PTGR2: variants seen among roughly 807,000 people sequenced by gnomAD.
PTGR2 encodes the protein prostaglandin reductase 2, also known as 15-oxoprostaglandin 13-reductase.
A neutral mutation model predicts 43.4 loss-of-function variants in PTGR2; 32 were observed. The ratio of observed to expected loss-of-function variants is 0.74; its 90% CI spans 0.56 to 0.99. PTGR2 has a LOEUF of 0.99. Ranked by LOEUF, PTGR2 falls within the 50% of genes least tolerant of loss-of-function variation. The pLI is 0.00. For synonymous variants in PTGR2, 106 were observed against 139.2 expected (o/e 0.76, Z 1.68); for missense variants, 373 against 420.0 (o/e 0.89, Z 0.98).
rs189895945 is a variant in PTGR2, at chr14:73,855,516, G to A, written c.-47-3300G>A. On this transcript the variant is annotated intron_variant, in intron 1 of 9. Coordinates refer to ENST00000555661, the MANE Select transcript of PTGR2 (RefSeq NM_001146154.2). ...GACTGGAGTACAGTGGCGTGATCTCGGCTCACCGCAACCTCCACCTCTTGA... is the reference window on the plus strand; with the variant it reads ...GACTGGAGTACAGTGGCGTGATCTCAGCTCACCGCAACCTCCACCTCTTGA... Among the ~76,000 whole-genome samples the A allele has an allele frequency of 1.4e-3, 210 of 151,874 alleles. 2 individuals are homozygous for A. Among genetic ancestry groups the A allele is most frequent in the South Asian group, 0.011 (53 of 4,806 alleles).
chr14:73,875,590 C>T (rs1258997788), intron 4 of PTGR2, among the ~76,000 whole-genome samples: 2 of 150,396 alleles, frequency 1.3e-5, no homozygotes, highest in Admixed American at 6.6e-5. Context: ...ATGATCCACC[C>T]GCCTTGGCCT....
At chr14:73,861,273 C>T (rs2054483194) in intron 3 of PTGR2, 1 of 152,152 alleles carries the variant, frequency 6.6e-6, no homozygotes, top group African/African-American at 2.4e-5. Flanking sequence ...TTAGTGAAAA[C>T]GTATACATTG....
intron 3 of PTGR2, among the ~76,000 whole-genome samples, chr14:73,868,340 A>G (rs2054650720): frequency 6.6e-6 from 1 of 151,902 alleles, no homozygotes; most frequent in Non-Finnish European, 1.5e-5. Flanking sequence ...CCAGGCTCAG[A>G]GAAGCCTGCC....
At chr14:73,883,161 TCCCTGCCCTTCCCTC>T (rs2055035928) in intron 9 of PTGR2, among the ~76,000 whole-genome samples, 1 of 136,178 alleles carries the variant, frequency 7.3e-6, no homozygotes, top group Non-Finnish European at 1.6e-5. Context: ...GGCCTCCCCT[TCCCTGCCCTTCCCTC>T]CCCTCACCTC....
chr14:73,881,173 T>C, intron 7 of PTGR2, 32 bp from the exon 8 acceptor site: 1 of 1,302,014 alleles, frequency 7.7e-7, no homozygotes, highest in Non-Finnish European at 1.1e-6. Flanking sequence ...CGTTATATTC[T>C]CTGATCATTA....
At chr14:73,859,001 T>A (rs1331064168) in intron 2 of PTGR2, 102 bp downstream of exon 2, 2 of 874,120 alleles carry the variant, frequency 2.3e-6, no homozygotes, top group African/African-American at 3.3e-5. Flanking sequence ...ATTAAGGTAG[T>A]AAGATATTGA....
At chr14:73,877,215 T>C in intron 5 of PTGR2, 47 bp downstream of exon 5, 1 of 1,489,330 alleles carries the variant, frequency 6.7e-7, no homozygotes, top group South Asian at 1.2e-5. Flanking sequence ...TTGACGATTG[T>C]TATAATTCTT....
chr14:73,876,852 A>G lies in PTGR2; in HGVS notation c.349-146A>G, dbSNP rs931986214. 8.6e-5 allele frequency: 49 copies of G among 571,698 alleles called. No individual in the cohort carries two copies. The Admixed American group carries it at 9.5e-4, about 11-fold the overall frequency. 35.4% of individuals were successfully genotyped at this position (571,698 alleles called of 1,614,324 possible). On this transcript the variant is annotated intron_variant, in intron 4 of 9. Coordinates refer to ENST00000555661, the MANE Select transcript of PTGR2 (RefSeq NM_001146154.2). Reference sequence around the variant, plus strand: ...TCCTAAATGTCTCCTTTAAGTGCCTATCTCCAAATAAAGTCACACTGGGGC... The same window carrying G: ...TCCTAAATGTCTCCTTTAAGTGCCTGTCTCCAAATAAAGTCACACTGGGGC...
At chr14:73,876,908 A>C (rs543203627) in intron 4 of PTGR2, 90 bp from the exon 5 acceptor site, 1 of 877,698 alleles carries the variant, frequency 1.1e-6, no homozygotes, top group East Asian at 2.6e-5. Flanking sequence ...TGTTGTGGGG[A>C]CGCAATTCAG....
rs558987763 is a variant in PTGR2, at chr14:73,863,956, T to C, written c.156+3299T>C. ...AGGCTTTTCCCCACCCAAGGTCACC[T>C]CTTGCTATGAGACAGCCCAAGCTGG... On this transcript the variant is annotated intron_variant, in intron 3 of 9. Coordinates refer to ENST00000555661, the MANE Select transcript of PTGR2 (RefSeq NM_001146154.2). 6.6e-5 allele frequency among the ~76,000 whole-genome samples: 10 copies of C among 152,152 alleles called. No individual in the cohort carries two copies. In the South Asian group the frequency reaches 2.1e-3, roughly 32 times the overall value.
In PTGR2 at chr14:73,884,084, ACTTT is replaced by A. The variant is rs571002654; in HGVS notation, c.980-14_980-11del. ...TGACATTTATCTTTTCAGATAACCT[ACTTT>A]CTCTTTTTCCAGCTGCATTCCAGTC... is the stretch of plus-strand genomic sequence containing the variant. On this transcript the variant is annotated splice_polypyrimidine_tract_variant and intron_variant, in intron 9 of 9. Coordinates refer to ENST00000555661, the MANE Select transcript of PTGR2 (RefSeq NM_001146154.2). 2.8e-4 allele frequency: 433 copies of A among 1,537,442 alleles called. 2 individuals are homozygous for A. In the African/African-American group the frequency reaches 5.5e-3, roughly 19 times the overall value.
intron 9 of PTGR2, among the ~76,000 whole-genome samples, 168 bp from the exon 10 acceptor site, chr14:73,883,933 G>T (rs572105875): frequency 5.8e-4 from 88 of 152,226 alleles, no homozygotes; most frequent in African/African-American, 1.9e-3. Context: ...GGGTTAGTTT[G>T]TGTGTAACTT....
In PTGR2 at chr14:73,877,157, G is replaced by A. The variant is rs1022127832; in HGVS notation, c.508G>A (p.Val170Met). The A allele has an allele frequency of 6.9e-6, 11 of 1,605,200 alleles. No individual in the cohort carries two copies. Among genetic ancestry groups the A allele is most frequent in the Non-Finnish European group, 7.6e-6 (9 of 1,177,232 alleles). The change falls in exon 5 of 10, where the codon GTG (valine) becomes ATG (methionine). Residue 170 changes from valine to methionine, a missense_variant. Coordinates refer to ENST00000555661, the MANE Select transcript of PTGR2 (RefSeq NM_001146154.2). ...VSGAAGACGS[V>M]AGQIGHFLGC... The stretch of plus-strand genomic sequence containing the variant: ...TGGGGCCGCAGGTGCCTGTGGATCT[G>A]TGGCTGGGCAGGTAAACTTTCTGAG...
In PTGR2 at chr14:73,859,892, G is replaced by A. The variant is rs539742671; in HGVS notation, c.38-647G>A. Among the ~76,000 whole-genome samples, 564 of 147,724 alleles carry A rather than the reference G, an allele frequency of 3.8e-3. 6 individuals are homozygous for A. The highest frequency in any genetic ancestry group is 0.013 in the African/African-American group (540 of 40,030). On this transcript the variant is annotated intron_variant, in intron 2 of 9. Coordinates refer to ENST00000555661, the MANE Select transcript of PTGR2 (RefSeq NM_001146154.2). ...TTTTTTTTTTTTGACACGGAGTCTC[G>A]CTCTGTCATGCAGTGGCACAATCTC...
chr14:73,863,936 T>C (rs915238524), intron 3 of PTGR2, among the ~76,000 whole-genome samples: 7 of 152,032 alleles, frequency 4.6e-5, no homozygotes, highest in Non-Finnish European at 1.0e-4. Context: ...TAAGAAGGCT[T>C]TTCCCCACCC....
chr14:73,881,164 G>A (rs767942360), intron 7 of PTGR2, 41 bp from the exon 8 acceptor site: 30 of 1,231,366 alleles, frequency 2.4e-5, no homozygotes, highest in African/African-American at 8.9e-5. Flanking sequence ...TACCACTCCC[G>A]TTATATTCTC....
chr14:73,871,341 CTT>C (rs869073652), intron 3 of PTGR2, among the ~76,000 whole-genome samples: 1,225 of 67,834 alleles, frequency 0.018, 6 homozygotes, highest in African/African-American at 0.026. Flanking sequence ...GGCTGTTCAT[CTT>C]TTTTTTTTTT....
Position 73,879,310 on chromosome 14 carries a change from T to C in PTGR2, c.729+5T>C. ...AGTGATACAGTGATAAGTCAGGTTG[T>C]TTGCTGATTTCTATAACAAATTTGA... On this transcript the variant is annotated splice_donor_5th_base_variant and intron_variant, in intron 6 of 9. Coordinates refer to ENST00000555661, the MANE Select transcript of PTGR2 (RefSeq NM_001146154.2). 5 of 1,611,922 alleles carry C rather than the reference T, an allele frequency of 3.1e-6. No homozygotes were observed. Among genetic ancestry groups the C allele is most frequent in the Non-Finnish European group, 4.2e-6 (5 of 1,178,270 alleles).
chr14:73,882,542 C>G (rs1313995073), intron 9 of PTGR2, 104 bp downstream of exon 9: 2 of 808,580 alleles, frequency 2.5e-6, no homozygotes, highest in East Asian at 5.4e-5. Flanking sequence ...GCTCTGTTGC[C>G]CAGGCTGGAG....
Sources: allele counts gnomAD v4.1 joint callset (sites outside exome capture counted in the v4.1 genomes callset), GRCh38; gene constraint gnomAD v4.1.1; transcripts MANE v1.5; gene names NCBI Gene and HGNC (gene_info 2026-07-23, HGNC 2026-07-21).